RADIL: variants seen among roughly 807,000 people sequenced by gnomAD.
RADIL encodes the protein ras-associating and dilute domain-containing protein.
In RADIL, 99 loss-of-function variants were observed where a neutral mutation model predicts 97.6. The ratio of observed to expected loss-of-function variants is 1.01; its 90% CI spans 0.86 to 1.20. The LOEUF (loss-of-function observed/expected upper bound fraction) is 1.20, where lower values mean the gene tolerates loss of function less well. Ranked by LOEUF, RADIL falls within the 50% of genes most tolerant of loss-of-function variation. The pLI, the probability that RADIL is intolerant of heterozygous loss-of-function variation, is 0.00. For synonymous variants in RADIL, 803 were observed against 691.8 expected (o/e 1.16, Z -2.52); for missense variants, 1,765 against 1,498.9 (o/e 1.18, Z -2.93).
intron 2 of RADIL, chr7:4,860,930 C>T (rs1235765326): frequency 1.9e-6 from 3 of 1,614,088 alleles, no homozygotes; most frequent in Admixed American, 1.7e-5. Flanking sequence ...ATTAAGATTC[C>T]GTTCTTCAGG....
chr7:4,877,600 C>T lies in RADIL; in HGVS notation c.535+5G>A, dbSNP rs1016884380. ...GGCTCTTCCTGAACCTGTGGCCCCCCTCACCTGCCGTGATGGTGTCCACCT... is the reference window on the plus strand; with the variant it reads ...GGCTCTTCCTGAACCTGTGGCCCCCTTCACCTGCCGTGATGGTGTCCACCT... On this transcript the variant is annotated splice_donor_5th_base_variant and intron_variant, in intron 2 of 14. Transcript: ENST00000399583. The T allele has an allele frequency of 1.3e-6, 2 of 1,583,578 alleles. No individual in the cohort carries two copies. The highest frequency in any genetic ancestry group is 1.3e-5 in the African/African-American group (1 of 74,112).
intron 10 of RADIL, chr7:4,804,123 T>C: frequency 3.1e-6 from 1 of 322,082 alleles, no homozygotes; most frequent in Non-Finnish European, 6.2e-6. Flanking sequence ...GGACGCAAGC[T>C]CCTCCCAGGG....
Position 4,799,712 on chromosome 7 carries a change from C to T in RADIL, c.3040G>A (p.Ala1014Thr), listed in dbSNP as rs778975245. 113 of 1,566,858 alleles carry T rather than the reference C, an allele frequency of 7.2e-5. No individual in the cohort carries two copies. The highest frequency in any genetic ancestry group is 9.1e-5 in the Non-Finnish European group (106 of 1,158,794). The change falls in exon 14 of 15, where the codon GCA becomes ACA. Residue 1014 changes from alanine to threonine, a missense_variant. Transcript: ENST00000399583. ...YIQTLLPGSP[A>T]AADGRLSLGD... ...AGCGACAGGCGCCCGTCGGCCGCTGCGGGGCTGCCCGGGAGCAGGGTCTGG... is the reference window on the plus strand; with the variant it reads ...AGCGACAGGCGCCCGTCGGCCGCTGTGGGGCTGCCCGGGAGCAGGGTCTGG...
rs370526851 is a variant in RADIL at position 4,799,466 on chromosome 7, C to A, written c.3140G>T (p.Arg1047Leu). Residue 1047 changes from arginine (R) to leucine (L), a missense_variant, in exon 15 of 15, where the codon CGT becomes CTT. Coordinates refer to ENST00000399583, the MANE Select transcript of RADIL (RefSeq NM_018059.5). ...GAACCGCATCTTCTTCCCGCCATGA[C>A]GGATCAGGTCCACAGCTCTGAAATC... is the stretch of plus-strand genomic sequence containing the variant. ...LGYLRAVDLIRHGGKKMRFLV... is the reference protein window; with the variant it reads ...LGYLRAVDLILHGGKKMRFLV... 3.7e-6 allele frequency: 6 copies of A among 1,613,842 alleles called. No homozygotes were observed. Among genetic ancestry groups the A allele is most frequent in the Non-Finnish European group, 5.1e-6 (6 of 1,180,000 alleles).
rs1200711886 is a variant in RADIL, at chr7:4,877,605, C to T, written c.535G>A (p.Gly179Arg). 1 of 1,588,894 alleles carries T rather than the reference C, an allele frequency of 6.3e-7. No homozygotes were observed. The highest frequency in any genetic ancestry group is 1.8e-5 in the Admixed American group (1 of 56,722). The stretch of plus-strand genomic sequence containing the variant: ...TTCCTGAACCTGTGGCCCCCCTCAC[C>T]TGCCGTGATGGTGTCCACCTCCTTG... ...AAKEVDTITA[G>R]INAQARRLQR... The change falls in exon 2 of 15, where the codon GGG (glycine) becomes AGG (arginine). Residue 179 changes from glycine to arginine, a missense_variant and splice_region_variant. By Grantham distance (125) the Gly-to-Arg change is moderately radical. Transcript: ENST00000399583.
chr7:4,802,507 A>G (rs1156266833), intron 11 of RADIL, among the ~76,000 whole-genome samples: 1 of 123,164 alleles, frequency 8.1e-6, no homozygotes, highest in Non-Finnish European at 1.6e-5. Context: ...ACCTCGGGGC[A>G]TGCTGGATGG....
rs967600921 is a variant in RADIL at position 4,798,003 on chromosome 7, T to C, written c.*1375A>G. 6.8e-6 allele frequency: 1 copy of C among 146,496 alleles called. No individual in the cohort carries two copies. Among genetic ancestry groups the C allele is most frequent in the Non-Finnish European group, 1.5e-5 (1 of 67,356 alleles). The allele number at this position is 146,496 out of a possible 1,614,324, so 9.1% of individuals were successfully genotyped here. On this transcript the variant is annotated 3_prime_UTR_variant, in exon 15 of 15. Transcript: ENST00000399583. ...AAAAAAATTAAATATTTATATTTTA[T>C]ATAATAAAATATAAAAAATGTTTAT...
intron 14 of RADIL, 32 bp downstream of exon 14, chr7:4,799,598 G>C: frequency 1.2e-6 from 2 of 1,605,832 alleles, no homozygotes; most frequent in Non-Finnish European, 8.5e-7. Context: ...GCATCTGGGA[G>C]AAGGGGCCGG....
rs1043777332 is a variant in RADIL, at chr7:4,878,580, C to T, written c.-64-377G>A. Among the ~76,000 whole-genome samples, 5 of 152,300 alleles carry T rather than the reference C, an allele frequency of 3.3e-5. No homozygotes were observed. The highest frequency in any genetic ancestry group is 3.4e-3 in the Middle Eastern group (1 of 294). ...TAACAGGCCGTGGGCATCCTGGCCCCGCAGACCTGACACCAGAGCACCTGA... is the reference window on the plus strand; with the variant it reads ...TAACAGGCCGTGGGCATCCTGGCCCTGCAGACCTGACACCAGAGCACCTGA... On this transcript the variant is annotated intron_variant, in intron 1 of 14. Transcript: ENST00000399583. The surrounding 1 kb of genome is among the most constrained non-coding windows in gnomAD (Gnocchi z 4.1).
intron 2 of RADIL, among the ~76,000 whole-genome samples, chr7:4,876,717 A>G (rs1784385275): frequency 6.6e-6 from 1 of 152,196 alleles, no homozygotes; most frequent in Non-Finnish European, 1.5e-5. Context: ...TGCGGCAGGC[A>G]CTCAACGCCA....
chr7:4,800,124 G>C, intron 13 of RADIL, 47 bp downstream of exon 13: 1 of 1,573,004 alleles, frequency 6.4e-7, no homozygotes, highest in Non-Finnish European at 8.6e-7. Context: ...AACAGGCGGG[G>C]CCAGGCAGCC....
chr7:4,871,027 T>C (rs1001819749), intron 2 of RADIL, among the ~76,000 whole-genome samples: 6 of 152,234 alleles, frequency 3.9e-5, no homozygotes, highest in African/African-American at 1.4e-4. Context: ...AAGTTTATTT[T>C]CTCTTTGAAT....
Position 4,805,262 on chromosome 7 carries a change from C to T in RADIL, c.2290+304G>A, listed in dbSNP as rs562587523. On this transcript the variant is annotated intron_variant, in intron 10 of 14. Transcript: ENST00000399583. Reference sequence around the variant, plus strand: ...GCTCCCTTCCTGGGTAGCCATACAACAGGGGAGGCCCCATCCTCCGGCTCC... The same window carrying T: ...GCTCCCTTCCTGGGTAGCCATACAATAGGGGAGGCCCCATCCTCCGGCTCC... 498 of 378,604 alleles carry T rather than the reference C, an allele frequency of 1.3e-3. 1 individual carries two copies. The highest frequency in any genetic ancestry group is 9.4e-3 in the African/African-American group (470 of 49,936). The allele number at this position is 378,604 out of a possible 1,614,324, so 23.5% of individuals were successfully genotyped here.
At chr7:4,853,041 T>C (rs762699994) in intron 2 of RADIL, among the ~76,000 whole-genome samples, 2 of 152,064 alleles carry the variant, frequency 1.3e-5, no homozygotes, top group Admixed American at 6.6e-5. Flanking sequence ...GATGATGAGA[T>C]TTTAGACTTG....
chr7:4,803,253 G>A (rs1464560698), intron 11 of RADIL, among the ~76,000 whole-genome samples: 3 of 92,918 alleles, frequency 3.2e-5, no homozygotes, highest in East Asian at 3.6e-4. Flanking sequence ...CTCAGGGCAC[G>A]CTGGCTGGGG....
rs1038589281 is a variant in RADIL at position 4,854,689 on chromosome 7, G to A, written c.536-18084C>T. Among the ~76,000 whole-genome samples the A allele has an allele frequency of 3.9e-5, 6 of 152,242 alleles. No individual in the cohort carries two copies. Among genetic ancestry groups the A allele is most frequent in the African/African-American group, 4.8e-5 (2 of 41,560 alleles). ...ACCCTGGGCGACAGAGCGAGACTCC[G>A]TATCAAAACAAACAAACAAACAAAA... On this transcript the variant is annotated intron_variant, in intron 2 of 14. Transcript: ENST00000399583. The surrounding 1 kb of genome is among the most constrained non-coding windows in gnomAD (Gnocchi z 5.1).
At chr7:4,828,491 C>T (rs984079938) in intron 5 of RADIL, among the ~76,000 whole-genome samples, 1 of 152,192 alleles carries the variant, frequency 6.6e-6, no homozygotes, top group Non-Finnish European at 1.5e-5. Context: ...TAGCACTCCA[C>T]ATTAACAGAT....
At chr7:4,820,082 G>A (rs534925493) in intron 6 of RADIL, among the ~76,000 whole-genome samples, 98 of 152,384 alleles carry the variant, frequency 6.4e-4, no homozygotes, top group African/African-American at 2.3e-3. Flanking sequence ...AGGTCCCTGA[G>A]CTGACTCTTC....
At chr7:4,838,943 GCATGCACA>G (rs755898024) in intron 2 of RADIL, among the ~76,000 whole-genome samples, 126 of 151,292 alleles carry the variant, frequency 8.3e-4, no homozygotes, top group Admixed American at 5.0e-3. Context: ...GTGCACACAT[GCATGCACA>G]CGTGCACACG....
Sources: allele counts gnomAD v4.1 joint callset (sites outside exome capture counted in the v4.1 genomes callset), GRCh38; gene constraint gnomAD v4.1.1; non-coding constraint Gnocchi (gnomAD v3.1); transcripts MANE v1.5; gene names NCBI Gene and HGNC (gene_info 2026-07-23, HGNC 2026-07-21).